Variants in CRLF3 observed in about 807,000 individuals in gnomAD.
CRLF3 encodes cytokine receptor-like factor 3.
In CRLF3, 33 loss-of-function variants were observed where a neutral mutation model predicts 55.0. That is an observed-to-expected ratio of 0.60 (90% CI 0.46 to 0.80). The LOEUF (loss-of-function observed/expected upper bound fraction) is 0.80, where lower values mean the gene tolerates loss of function less well. Among genes scored for constraint, CRLF3 ranks in the 30% least tolerant of loss-of-function variants. CRLF3 has a pLI of 0.00. For synonymous variants in CRLF3, 238 were observed against 196.8 expected (o/e 1.21, Z -1.75); for missense variants, 494 against 538.4 (o/e 0.92, Z 0.82).
In CRLF3 at chr17:30,798,787, C is replaced by T. The variant is rs573220519; in HGVS notation, c.338-1389G>A. Among the ~76,000 whole-genome samples the T allele has an allele frequency of 2.0e-3, 311 of 151,790 alleles. 1 individual carries two copies. The highest frequency in any genetic ancestry group is 7.2e-3 in the African/African-American group (298 of 41,386). ...CCGAGAGGTGGAGGTTGCAGTGAGCCAAGATCGTGCCACTGCACTCCAGCC... is the reference window on the plus strand; with the variant it reads ...CCGAGAGGTGGAGGTTGCAGTGAGCTAAGATCGTGCCACTGCACTCCAGCC... On this transcript the variant is annotated intron_variant, in intron 2 of 7. Transcript: ENST00000324238.
chr17:30,798,527 TCTC>T (rs1415287957), intron 2 of CRLF3, among the ~76,000 whole-genome samples: 15 of 151,946 alleles, frequency 9.9e-5, no homozygotes, highest in Non-Finnish European at 2.1e-4. Flanking sequence ...CATATGACCT[TCTC>T]CTTCACCAAA....
At chr17:30,804,147 T>TA in intron 1 of CRLF3, 39 bp from the exon 2 acceptor site, 2 of 1,417,660 alleles carry the variant, frequency 1.4e-6, no homozygotes, top group South Asian at 2.3e-5. Flanking sequence ...TCAGAATCTT[T>TA]AAAAAAGGCT....
rs1251646285 is a variant in CRLF3 at position 30,785,926 on chromosome 17, A to G, written c.1065T>C (p.Ser355=). 1.9e-6 allele frequency: 3 copies of G among 1,549,398 alleles called. No individual in the cohort carries two copies. The highest frequency in any genetic ancestry group is 2.2e-5 in the East Asian group (1 of 44,574). The change falls in exon 7 of 8, where the codon AGT becomes AGC. Residue 355 remains serine, a synonymous_variant. Transcript: ENST00000324238. ...SLQRDQAVCI[S]TNGAVFVNGK... ...CAGTTATTTATCTCTTACCATTTGTACTAATGCACACAGCTTGATCCCGCT... is the reference window on the plus strand; with the variant it reads ...CAGTTATTTATCTCTTACCATTTGTGCTAATGCACACAGCTTGATCCCGCT...
intron 2 of CRLF3, among the ~76,000 whole-genome samples, chr17:30,798,429 C>A (rs1202660899): frequency 6.6e-6 from 1 of 151,898 alleles, no homozygotes; most frequent in Non-Finnish European, 1.5e-5. Flanking sequence ...AAATGACCAA[C>A]TTCTATGTCC....
chr17:30,815,065 C>A (rs1438112390), intron 1 of CRLF3, among the ~76,000 whole-genome samples: 1 of 144,976 alleles, frequency 6.9e-6, no homozygotes, highest in African/African-American at 2.5e-5. Context: ...ACATTTTTTT[C>A]TTTCTTTTTT....
intron 7 of CRLF3, chr17:30,784,667 C>T: frequency 4.7e-6 from 2 of 429,724 alleles, no homozygotes; most frequent in Non-Finnish European, 8.3e-6. Flanking sequence ...GACAGTGTTA[C>T]AAAATTACCT....
At chr17:30,821,843 C>G (rs1905006704) in intron 1 of CRLF3, among the ~76,000 whole-genome samples, 1 of 151,928 alleles carries the variant, frequency 6.6e-6, no homozygotes, top group Non-Finnish European at 1.5e-5. Flanking sequence ...GATGGTTGGA[C>G]AACTCTATGA....
chr17:30,793,824 C>T, intron 4 of CRLF3, 152 bp from the exon 5 acceptor site: 2 of 608,906 alleles, frequency 3.3e-6, no homozygotes, highest in South Asian at 4.0e-5. Flanking sequence ...AGAAAATATG[C>T]CATCACATCA....
chr17:30,814,571 C>A lies in CRLF3; in HGVS notation c.129+9952G>T, dbSNP rs527461193. Among the ~76,000 whole-genome samples the A allele has an allele frequency of 2.7e-5, 4 of 149,626 alleles. No individual in the cohort carries two copies. In the East Asian group the frequency reaches 8.1e-4, roughly 30 times the overall value. On this transcript the variant is annotated intron_variant, in intron 1 of 7. Transcript: ENST00000324238. Reference sequence around the variant, plus strand: ...ACTCAGGAGGCTGAGGCAGGAGAATCGCTTGAACCCGGGAGGCAGAGGTTA... The same window carrying A: ...ACTCAGGAGGCTGAGGCAGGAGAATAGCTTGAACCCGGGAGGCAGAGGTTA...
chr17:30,813,319 G>A (rs1904681223), intron 1 of CRLF3, among the ~76,000 whole-genome samples: 1 of 152,124 alleles, frequency 6.6e-6, no homozygotes. Context: ...GGGTTATAAA[G>A]ATGAATAAAG....
intron 2 of CRLF3, chr17:30,801,566 A>C (rs1972007997): frequency 6.6e-6 from 1 of 151,990 alleles, no homozygotes; most frequent in African/African-American, 2.4e-5. Flanking sequence ...GAGTAACTGG[A>C]ATTACAGGTG....
rs1447268198 is a variant in CRLF3 at position 30,784,267 on chromosome 17, A to C, written c.1249T>G (p.Trp417Gly). 1 of 1,613,894 alleles carries C rather than the reference A, an allele frequency of 6.2e-7. No homozygotes were observed. ...SSNNREVVFD[W>G]LLDQSCGSLY... is the part of the protein sequence containing the mutation. The stretch of plus-strand genomic sequence containing the variant: ...GAACCACAAGACTGATCAAGTAACC[A>C]GTCAAAAACCACTTCTCTATTATTT... Residue 417 changes from tryptophan to glycine, a missense_variant, in exon 8 of 8, where the codon TGG (tryptophan) becomes GGG (glycine). Coordinates refer to ENST00000324238, the MANE Select transcript of CRLF3 (RefSeq NM_015986.4).
At chr17:30,806,008 G>A (rs896064579) in intron 1 of CRLF3, among the ~76,000 whole-genome samples, 2 of 152,104 alleles carry the variant, frequency 1.3e-5, no homozygotes, top group Admixed American at 6.6e-5. Context: ...GGGTGACAGA[G>A]TGAGACCCTG....
intron 6 of CRLF3, among the ~76,000 whole-genome samples, chr17:30,791,578 C>T (rs997554803): frequency 4.7e-5 from 7 of 148,562 alleles, no homozygotes; most frequent in South Asian, 2.1e-4. Flanking sequence ...AGTGCAGTGG[C>T]GTGATCTCGG....
Position 30,793,549 on chromosome 17 carries a change from C to T in CRLF3, c.727G>A (p.Val243Ile), listed in dbSNP as rs150217578. The T allele has an allele frequency of 4.3e-6, 7 of 1,614,108 alleles. No homozygotes were observed. The highest frequency in any genetic ancestry group is 4.5e-5 in the East Asian group (2 of 44,890). The change falls in exon 5 of 8, where the codon GTT becomes ATT. Residue 243 changes from valine to isoleucine, a missense_variant. Coordinates refer to ENST00000324238, the MANE Select transcript of CRLF3 (RefSeq NM_015986.4). ...GCGCAGACTCTGAACTGGTAATCAA[C>T]GTTGGGGTCTATGTGCAATACTATG... Reference protein sequence around the residue: ...EFIVLHIDPNVDYQFRVCARG... With the variant: ...EFIVLHIDPNIDYQFRVCARG...
Position 30,784,445 on chromosome 17 carries a change from T to G in CRLF3, c.1073-2A>C, listed in dbSNP as rs755578376. The G allele has an allele frequency of 1.2e-6, 2 of 1,610,086 alleles. No homozygotes were observed. Among genetic ancestry groups the G allele is most frequent in the Non-Finnish European group, 1.7e-6 (2 of 1,176,604 alleles). On this transcript the variant is annotated splice_acceptor_variant, in intron 7 of 7. Coordinates refer to ENST00000324238, the MANE Select transcript of CRLF3 (RefSeq NM_015986.4). LOFTEE classifies it high-confidence loss of function. ...CTTTTCCATTGACAAAAACTGCACC[T>G]AAAATGTTAAGGTAAAGAGTCATTT...
chr17:30,795,362 T>TG (rs1418673592), intron 4 of CRLF3, among the ~76,000 whole-genome samples: 7 of 151,600 alleles, frequency 4.6e-5, no homozygotes, highest in African/African-American at 1.7e-4. Flanking sequence ...CCAGGTGTGG[T>TG]GGCGCATGCC....
In CRLF3 at chr17:30,795,860, C is replaced by T. The variant is rs115303276; in HGVS notation, c.603+300G>A. Among the ~76,000 whole-genome samples, 684 of 152,018 alleles carry T rather than the reference C, an allele frequency of 4.5e-3. 8 individuals are homozygous for T. The highest frequency in any genetic ancestry group is 0.016 in the African/African-American group (656 of 41,488). On this transcript the variant is annotated intron_variant, in intron 4 of 7. Transcript: ENST00000324238. ...CCGAAGCAGGAGAATGGCTTGAACC[C>T]GGGGGAAGCGGCAGGCGGGGGAGGG...
intron 1 of CRLF3, among the ~76,000 whole-genome samples, chr17:30,805,792 G>A (rs1904382626): frequency 6.6e-6 from 1 of 151,824 alleles, no homozygotes; most frequent in Admixed American, 6.6e-5. Context: ...AGAGGCTGAG[G>A]CAGGAGGATC....
Sources: allele counts gnomAD v4.1 joint callset (sites outside exome capture counted in the v4.1 genomes callset), GRCh38; gene constraint gnomAD v4.1.1; transcripts MANE v1.5; gene names NCBI Gene and HGNC (gene_info 2026-07-23, HGNC 2026-07-21).